Variants in DENND1A observed in about 807,000 individuals in gnomAD.
The protein encoded by DENND1A is DENN domain containing 1A.
Under a neutral mutation model 113.7 loss-of-function variants are expected in DENND1A, and 51 were observed. The ratio of observed to expected loss-of-function variants is 0.45; its 90% confidence interval spans 0.36 to 0.57. The LOEUF is 0.57. Among genes scored for constraint, DENND1A ranks in the 20% least tolerant of loss-of-function variants. The pLI, the probability that DENND1A is intolerant of heterozygous loss-of-function variation, is 0.00. For missense variants in DENND1A, 1,258 were observed against 1,395.9 expected, an observed-to-expected ratio of 0.90 and a Z score of 1.57; for synonymous variants, 565 against 570.8, an observed-to-expected ratio of 0.99 and a Z score of 0.14.
At chr9:123,395,468 C>CTCTCTCTGTGTGTGTGTGTG (rs367751848) in intron 21 of DENND1A, among the ~76,000 whole-genome samples, 1,688 of 142,952 alleles carry the variant, frequency 0.012, 16 homozygotes, top group Middle Eastern at 0.032. Context: ...CTCTCTCTCT[C>CTCTCTCTGTGTGTGTGTGTG]TGTGTGTGTG....
intron 1 of DENND1A, among the ~76,000 whole-genome samples, chr9:123,915,306 T>G (rs1445340269): frequency 6.6e-6 from 1 of 152,146 alleles, no homozygotes; most frequent in African/African-American, 2.4e-5. Flanking sequence ...CCCGATCTAG[T>G]GGAGTTAAAT....
intron 10 of DENND1A, among the ~76,000 whole-genome samples, chr9:123,617,257 G>C (rs2060698369): frequency 6.6e-6 from 1 of 152,236 alleles, no homozygotes; most frequent in Non-Finnish European, 1.5e-5. Context: ...AATAATTCTA[G>C]ATTAGGGGAG....
chr9:123,905,978 G>C (rs1852742358), intron 1 of DENND1A, among the ~76,000 whole-genome samples: 1 of 151,400 alleles, frequency 6.6e-6, no homozygotes, highest in Admixed American at 6.6e-5. Context: ...CTCAGCAAAT[G>C]TAAAAGAACA....
chr9:123,395,736 G>A (rs2043093733), intron 21 of DENND1A, among the ~76,000 whole-genome samples: 1 of 152,122 alleles, frequency 6.6e-6, no homozygotes, highest in African/African-American at 2.4e-5. Flanking sequence ...GGATGCACTG[G>A]CAGCTTCATA....
chr9:123,469,651 C>T (rs1050262689), intron 13 of DENND1A, among the ~76,000 whole-genome samples: 2 of 152,200 alleles, frequency 1.3e-5, no homozygotes, highest in Non-Finnish European at 2.9e-5. Flanking sequence ...ATTTTCTTCC[C>T]ATAAGAAATG....
intron 5 of DENND1A, among the ~76,000 whole-genome samples, chr9:123,677,057 C>T (rs896953226): frequency 6.6e-6 from 1 of 152,186 alleles, no homozygotes; most frequent in Non-Finnish European, 1.5e-5. Flanking sequence ...AATTCAAAGC[C>T]GACTCCACAA....
At chr9:123,539,975 C>T (rs149750229) in intron 13 of DENND1A, among the ~76,000 whole-genome samples, 22 of 151,932 alleles carry the variant, frequency 1.4e-4, no homozygotes, top group African/African-American at 4.6e-4. Flanking sequence ...AAAGGTATAG[C>T]GGTACCTACC....
intron 19 of DENND1A, among the ~76,000 whole-genome samples, chr9:123,430,786 A>G (rs978989123): frequency 6.6e-6 from 1 of 152,292 alleles, no homozygotes. Context: ...ATGTTTACCT[A>G]TGTAACAAGC....
intron 13 of DENND1A, among the ~76,000 whole-genome samples, chr9:123,516,911 A>AAAAAAAAAAAAAAAAAAAAAC: frequency 9.1e-6 from 1 of 110,044 alleles, no homozygotes; most frequent in Admixed American, 1.0e-4. Context: ...AAAAAAAAAA[A>AAAAAAAAAAAAAAAAAAAAAC]AAAAAAAAGA....
chr9:123,568,355 T>C (rs1469409942), intron 12 of DENND1A, among the ~76,000 whole-genome samples: 2 of 152,228 alleles, frequency 1.3e-5, no homozygotes, highest in Admixed American at 6.5e-5. Flanking sequence ...AGGATTCTTA[T>C]GTAGATTAAA....
At chr9:123,389,267 G>C in intron 21 of DENND1A, among the ~76,000 whole-genome samples, 1 of 152,266 alleles carries the variant, frequency 6.6e-6, no homozygotes, top group East Asian at 1.9e-4. Context: ...CAGGCAAAGA[G>C]TTTTGTCCTC....
chr9:123,822,616 C>A (rs192302355), intron 2 of DENND1A, among the ~76,000 whole-genome samples: 35 of 152,288 alleles, frequency 2.3e-4, no homozygotes, highest in African/African-American at 8.2e-4. Context: ...TGCCTAAAGG[C>A]TACATGACAC....
chr9:123,435,609 A>C (rs960266312), intron 19 of DENND1A, among the ~76,000 whole-genome samples: 2 of 152,246 alleles, frequency 1.3e-5, no homozygotes, highest in African/African-American at 2.4e-5. Context: ...TTTGCAGATC[A>C]GTCATTTGGA....
chr9:123,576,643 C>T lies in DENND1A; in HGVS notation c.867+6526G>A, dbSNP rs146930216. Among the ~76,000 whole-genome samples, 34 of 152,258 alleles carry T rather than the reference C, an allele frequency of 2.2e-4. No homozygotes were observed. The East Asian group carries it at 6.2e-3, about 28-fold the overall frequency. Reference sequence around the variant, plus strand: ...CCTCCTGAGTAGCTGGGATTACAGGCACCCGCCATCATGACTGGCTAATTT... The same window carrying T: ...CCTCCTGAGTAGCTGGGATTACAGGTACCCGCCATCATGACTGGCTAATTT... On this transcript the variant is annotated intron_variant, in intron 12 of 23. Transcript: ENST00000394215.
At chr9:123,542,795 C>G (rs930114300) in intron 13 of DENND1A, among the ~76,000 whole-genome samples, 1 of 152,172 alleles carries the variant, frequency 6.6e-6, no homozygotes, top group Non-Finnish European at 1.5e-5. Flanking sequence ...TGACCCTGGC[C>G]TCTGGCCTCA....
At chr9:123,562,235 T>C (rs10986055) in intron 12 of DENND1A, among the ~76,000 whole-genome samples, 8,371 of 152,248 alleles carry the variant, frequency 0.055, 323 homozygotes, top group Admixed American at 0.087. Flanking sequence ...CCACTTAATG[T>C]TAAACTTGGA....
chr9:123,930,082 T>C lies in DENND1A; in HGVS notation c.-177A>G, dbSNP rs866820027. 5.5e-5 allele frequency: 11 copies of C among 200,962 alleles called. No homozygotes were observed. Among genetic ancestry groups the C allele is most frequent in the East Asian group, 1.1e-4 (1 of 9,518 alleles). 12.4% of individuals were successfully genotyped at this position (200,962 alleles called of 1,614,324 possible). ...CGCCGCCGCCGCCTCCAGGGGTTAA[T>C]GTACTCGCTCCAGCCCGGCGAACGC... On this transcript the variant is annotated 5_prime_UTR_variant, in exon 1 of 24. Transcript: ENST00000394215.
chr9:123,822,904 CA>C (rs1432319324), intron 2 of DENND1A, among the ~76,000 whole-genome samples: 3 of 152,156 alleles, frequency 2.0e-5, no homozygotes, highest in African/African-American at 7.2e-5. Context: ...GCTTACGATA[CA>C]GGGGGCAGGG....
intron 11 of DENND1A, among the ~76,000 whole-genome samples, chr9:123,595,410 C>T (rs577711716): frequency 1.3e-5 from 2 of 152,280 alleles, no homozygotes; most frequent in Non-Finnish European, 1.5e-5. Context: ...GTCAACTTTA[C>T]GCTAGGTCTT....
Sources: gnomAD v4.1 joint callset for allele counts (sites outside exome capture counted in the v4.1 genomes callset) on GRCh38, gnomAD v4.1.1 for gene constraint, MANE v1.5 for transcripts, NCBI Gene and HGNC (gene_info 2026-07-23, HGNC 2026-07-21) for gene names.